RPS6KC1: variants seen among roughly 807,000 people sequenced by gnomAD.
RPS6KC1 encodes the protein inactive ribosomal protein S6 kinase delta-1.
RPS6KC1 carries 54 observed loss-of-function variants against 103.8 expected under a neutral mutation model. The ratio of observed to expected loss-of-function variants is 0.52; its 90% CI spans 0.42 to 0.65. The LOEUF (loss-of-function observed/expected upper bound fraction) is 0.65. Among genes scored for constraint, RPS6KC1 ranks in the 30% least tolerant of loss-of-function variants. The probability of loss-of-function intolerance (pLI) is 0.00; values close to 1 mark genes in which losing one functional copy is unlikely to be tolerated. For missense variants in RPS6KC1, 1,151 were observed against 1,253.8 expected (o/e 0.92, Z 1.24); for synonymous variants, 439 against 438.7 (o/e 1.00, Z -0.01).
chr1:213,659,530 C>A, the RPS6KC1 span, among the ~76,000 whole-genome samples: 23 of 152,094 alleles, frequency 1.5e-4, no homozygotes, highest in African/African-American at 5.3e-4. Context: ...TCATCACGTA[C>A]AACTAAGTTA....
At chr1:213,160,601 T>C (rs1315279883) in intron 6 of RPS6KC1, among the ~76,000 whole-genome samples, 1 of 152,190 alleles carries the variant, frequency 6.6e-6, no homozygotes, top group African/African-American at 2.4e-5. Flanking sequence ...TCAGTAGGCA[T>C]GAAGGTATTG....
the RPS6KC1 span, among the ~76,000 whole-genome samples, chr1:213,785,139 A>G: frequency 1.0e-3 from 152 of 152,332 alleles, no homozygotes; most frequent in African/African-American, 3.4e-3. Flanking sequence ...TTGCTGTTTT[A>G]TTACACAGCA....
the RPS6KC1 span, among the ~76,000 whole-genome samples, chr1:213,428,494 C>T: frequency 1.2e-4 from 8 of 67,038 alleles, no homozygotes; most frequent in Non-Finnish European, 1.8e-4. Context: ...TCCTTCCTTC[C>T]TTCCTTCCTT....
intron 12 of RPS6KC1, among the ~76,000 whole-genome samples, chr1:213,252,432 A>G (rs1449698586): frequency 1.3e-5 from 2 of 152,202 alleles, no homozygotes; most frequent in East Asian, 3.8e-4. Flanking sequence ...AAGAAAGTTA[A>G]ATTCTTGACC....
chr1:213,664,439 G>A, the RPS6KC1 span, among the ~76,000 whole-genome samples: 1 of 152,064 alleles, frequency 6.6e-6, no homozygotes, highest in East Asian at 1.9e-4. Flanking sequence ...TAAAATGGCA[G>A]CATACACATG....
chr1:213,133,467 T>C (rs929853317), intron 6 of RPS6KC1, among the ~76,000 whole-genome samples: 2 of 152,210 alleles, frequency 1.3e-5, no homozygotes, highest in Non-Finnish European at 1.5e-5. Context: ...CTGGCCATAC[T>C]GGACTTTGTC....
the RPS6KC1 span, among the ~76,000 whole-genome samples, chr1:213,737,959 A>G: frequency 6.6e-6 from 1 of 152,298 alleles, no homozygotes; most frequent in African/African-American, 2.4e-5. Context: ...CATTAACCCC[A>G]AACTGAGCCT....
At chr1:213,721,436 C>A in the RPS6KC1 span, among the ~76,000 whole-genome samples, 5 of 152,152 alleles carry the variant, frequency 3.3e-5, no homozygotes, top group African/African-American at 1.2e-4. Flanking sequence ...TAAGGGGAAA[C>A]CCCTTTTGTT....
At chr1:213,542,113 T>C in the RPS6KC1 span, among the ~76,000 whole-genome samples, 1 of 152,186 alleles carries the variant, frequency 6.6e-6, no homozygotes, top group East Asian at 1.9e-4. Flanking sequence ...GATCCACTTA[T>C]AAAAGTCTCC....
At chr1:213,059,863 G>C (rs1165645226) in intron 1 of RPS6KC1, among the ~76,000 whole-genome samples, 7 of 152,088 alleles carry the variant, frequency 4.6e-5, no homozygotes, top group African/African-American at 1.4e-4. Flanking sequence ...AATAGAGATG[G>C]GGTTTCATCA....
chr1:213,669,615 G>A, the RPS6KC1 span, among the ~76,000 whole-genome samples: 3 of 152,190 alleles, frequency 2.0e-5, no homozygotes, highest in East Asian at 1.9e-4. Flanking sequence ...TGTTTGGTGC[G>A]GTTGCCACAA....
chr1:213,668,872 C>T, the RPS6KC1 span, among the ~76,000 whole-genome samples: 2 of 152,326 alleles, frequency 1.3e-5, no homozygotes, highest in Middle Eastern at 3.4e-3. Flanking sequence ...ATTTCCTTAA[C>T]CTCATGAACC....
At chr1:213,158,943 C>T (rs2090190837) in intron 6 of RPS6KC1, among the ~76,000 whole-genome samples, 1 of 152,080 alleles carries the variant, frequency 6.6e-6, no homozygotes, top group Non-Finnish European at 1.5e-5. Flanking sequence ...TATTGGTATA[C>T]ACTATTACTT....
At chr1:213,492,124 C>A in the RPS6KC1 span, among the ~76,000 whole-genome samples, 1 of 152,154 alleles carries the variant, frequency 6.6e-6, no homozygotes, top group Admixed American at 6.5e-5. Flanking sequence ...AATAGGGGTT[C>A]GGCATGACAC....
chr1:213,203,033 A>G lies in RPS6KC1; in HGVS notation c.1044+26541A>G, dbSNP rs146610155. Among the ~76,000 whole-genome samples, 42 of 151,870 alleles carry G rather than the reference A, an allele frequency of 2.8e-4. No homozygotes were observed. The East Asian group carries it at 8.0e-3, about 29-fold the overall frequency. ...TTAGTATATTTTTTCAGAGTTGGAG[A>G]TTATGGGTCAAACAGTATATATGCA... On this transcript the variant is annotated intron_variant, in intron 8 of 14. Coordinates refer to ENST00000366960, the MANE Select transcript of RPS6KC1 (RefSeq NM_012424.6).
the RPS6KC1 span, among the ~76,000 whole-genome samples, chr1:213,301,881 G>A: frequency 1.3e-5 from 2 of 151,794 alleles, no homozygotes; most frequent in African/African-American, 4.8e-5. Flanking sequence ...GATTATAGGT[G>A]TGCACCACCA....
At chr1:213,071,165 T>A in intron 2 of RPS6KC1, 124 bp downstream of exon 2, 7 of 560,994 alleles carry the variant, frequency 1.2e-5, no homozygotes. Flanking sequence ...GTTTCGCTCC[T>A]GTTGCTCAGG....
chr1:213,226,214 C>A (rs1321672665), intron 8 of RPS6KC1, among the ~76,000 whole-genome samples: 2 of 126,522 alleles, frequency 1.6e-5, no homozygotes, highest in African/African-American at 2.6e-5. Context: ...CAAAGCAAGA[C>A]TCTGTCTCAA....
At chr1:213,767,642 A>G in the RPS6KC1 span, among the ~76,000 whole-genome samples, 4 of 152,222 alleles carry the variant, frequency 2.6e-5, no homozygotes, top group African/African-American at 9.6e-5. Context: ...GGGAGCAGAC[A>G]TTGGGAAGGA....
Sources: gnomAD v4.1 joint callset for allele counts (sites outside exome capture counted in the v4.1 genomes callset) on GRCh38, gnomAD v4.1.1 for gene constraint, MANE v1.5 for transcripts, NCBI Gene and HGNC (gene_info 2026-07-23, HGNC 2026-07-21) for gene names.